ZNF276: variants seen among roughly 807,000 people sequenced by gnomAD.
ZNF276 encodes zinc finger protein 276.
Under a neutral mutation model 63.9 loss-of-function variants are expected in ZNF276, and 59 were observed. The observed-to-expected ratio is 0.92, with a 90% confidence interval of 0.75 to 1.15. ZNF276 has a LOEUF of 1.15. Among genes scored for constraint, ZNF276 ranks in the 50% most tolerant of loss-of-function variants. ZNF276 has a pLI of 0.00. For missense variants in ZNF276, 1,084 were observed against 843.8 expected, an observed-to-expected ratio of 1.28 and a Z score of -3.53; for synonymous variants, 496 against 348.4, an observed-to-expected ratio of 1.42 and a Z score of -4.72.
intron 6 of ZNF276, chr16:89,732,966 C>CCTCTGCTGTGCCCTCCT (rs2061719033): frequency 1.1e-5 from 3 of 283,894 alleles, no homozygotes; most frequent in African/African-American, 4.7e-5. Context: ...TGTGCCCTCC[C>CCTCTGCTGTGCCCTCCT]CCTCTGCTGT....
chr16:89,724,616 C>T (rs112101529), intron 4 of ZNF276, among the ~76,000 whole-genome samples: 25 of 152,290 alleles, frequency 1.6e-4, no homozygotes, highest in South Asian at 1.2e-3. Flanking sequence ...AACCGTACTC[C>T]AGCCTGGGTG....
rs1369519857 is a variant in ZNF276 at position 89,738,777 on chromosome 16, G to C, written c.*531G>C. The C allele has an allele frequency of 6.2e-7, 1 of 1,612,430 alleles. No individual in the cohort carries two copies. Among genetic ancestry groups the C allele is most frequent in the Non-Finnish European group, 8.5e-7 (1 of 1,179,372 alleles). ...CCTCAGACCACAGGGGAGGGGCTCT[G>C]GCAGAAATAGTCGAGTTGTATTGCC... On this transcript the variant is annotated 3_prime_UTR_variant, in exon 11 of 11. Transcript: ENST00000443381.
Position 89,723,548 on chromosome 16 carries a change from C to T in ZNF276, c.845C>T (p.Ala282Val). 1.2e-6 allele frequency: 2 copies of T among 1,612,810 alleles called. No individual in the cohort carries two copies. Among genetic ancestry groups the T allele is most frequent in the East Asian group, 2.2e-5 (1 of 44,880 alleles). ...PQHRGWNPGD[A>V]PQTSQGRGTG... ...CACCGAGGGTGGAACCCTGGGGATG[C>T]CCCTCAGACCTCCCAGGGTAGAGGG... is the stretch of plus-strand genomic sequence containing the variant. The change falls in exon 4 of 11, where the codon GCC becomes GTC. Residue 282 changes from alanine (A) to valine (V), a missense_variant. Ala to Val is a moderately conservative substitution (Grantham distance 64). Coordinates refer to ENST00000443381, the MANE Select transcript of ZNF276 (RefSeq NM_001113525.2).
chr16:89,740,872 A>C lies in ZNF276; in HGVS notation c.*2626A>C. 1 of 1,610,904 alleles carries C rather than the reference A, an allele frequency of 6.2e-7. No homozygotes were observed. Among genetic ancestry groups the C allele is most frequent in the African/African-American group, 1.3e-5 (1 of 74,916 alleles). On this transcript the variant is annotated 3_prime_UTR_variant, in exon 11 of 11. Coordinates refer to ENST00000443381, the MANE Select transcript of ZNF276 (RefSeq NM_001113525.2). ...AAGAAAAGGAAAACCAATAGCTGTA[A>C]ATAAAAACGTGCACTTATTATTACA... is the stretch of plus-strand genomic sequence containing the variant.
At chr16:89,735,528 G>C (rs1184440378) in intron 9 of ZNF276, among the ~76,000 whole-genome samples, 1 of 151,982 alleles carries the variant, frequency 6.6e-6, no homozygotes, top group Non-Finnish European at 1.5e-5. Context: ...TGGTCCTTCA[G>C]ACTCTGCATC....
Position 89,738,874 on chromosome 16 carries a change from G to A in ZNF276, c.*628G>A, listed in dbSNP as rs969373089. ...CCACATGGCCCAAGGTGGGCATCTT[G>A]ACGTTACCTCTGCCACGTGTGAGAA... On this transcript the variant is annotated 3_prime_UTR_variant, in exon 11 of 11. Coordinates refer to ENST00000443381, the MANE Select transcript of ZNF276 (RefSeq NM_001113525.2). The A allele has an allele frequency of 1.9e-6, 3 of 1,614,138 alleles. No homozygotes were observed. The highest frequency in any genetic ancestry group is 1.3e-5 in the African/African-American group (1 of 74,960).
At chr16:89,730,815 C>T (rs1304105253) in intron 6 of ZNF276, among the ~76,000 whole-genome samples, 1 of 152,208 alleles carries the variant, frequency 6.6e-6, no homozygotes, top group African/African-American at 2.4e-5. Flanking sequence ...GTGCTGCCTC[C>T]CAGTCTTGTC....
chr16:89,722,724 G>A lies in ZNF276; in HGVS notation c.399G>A (p.Pro133=). 2 of 1,612,210 alleles carry A rather than the reference G, an allele frequency of 1.2e-6. No individual in the cohort carries two copies. Among genetic ancestry groups the A allele is most frequent in the Non-Finnish European group, 1.7e-6 (2 of 1,180,030 alleles). Residue 133 remains proline (P), a synonymous_variant, in exon 2 of 11, where the codon CCG becomes CCA. Coordinates refer to ENST00000443381, the MANE Select transcript of ZNF276 (RefSeq NM_001113525.2). ...TCCGCCAGGACCCCACCTTGTCTCC[G>A]TTTGTCTGCAAGAGCTGCCACGCCC... The part of the protein sequence containing the change: ...VAVRQDPTLS[P]FVCKSCHAQF...
chr16:89,733,283 G>C lies in ZNF276; in HGVS notation c.1170-19G>C. ...ATGGAGATCAGAAACCATTGAATTT[G>C]GGAACCTCTTTTTTTCAGAGTCTCT... is the stretch of plus-strand genomic sequence containing the variant. On this transcript the variant is annotated intron_variant, in intron 6 of 10. Coordinates refer to ENST00000443381, the MANE Select transcript of ZNF276 (RefSeq NM_001113525.2). 6.2e-7 allele frequency: 1 copy of C among 1,603,220 alleles called. No individual in the cohort carries two copies. Among genetic ancestry groups the C allele is most frequent in the Non-Finnish European group, 8.5e-7 (1 of 1,173,102 alleles).
chr16:89,720,860 A>G, upstream of ZNF276: 2 of 1,393,896 alleles, frequency 1.4e-6, no homozygotes, highest in Non-Finnish European at 1.9e-6. Context: ...CGCAGCGGCC[A>G]TGGCGCCGAG....
chr16:89,729,378 G>A (rs2061572488), intron 6 of ZNF276, 60 bp downstream of exon 6: 1 of 1,456,564 alleles, frequency 6.9e-7, no homozygotes, highest in East Asian at 2.3e-5. Context: ...ACACCCGCCT[G>A]TGCTCCAGGG....
In ZNF276 at chr16:89,733,542, C is replaced by T. The variant is rs17177891; in HGVS notation, c.1341C>T (p.Gly447=). 124,704 of 1,614,010 alleles carry T rather than the reference C, an allele frequency of 0.077. 5,743 individuals are homozygous for T. The highest frequency in any genetic ancestry group is 0.16 in the East Asian group (7,305 of 44,866). ...AGGGCTGCACGGCCGTGTACCGAGGCGCTGACGGCATGAAGGTGAGCACTG... is the reference window on the plus strand; with the variant it reads ...AGGGCTGCACGGCCGTGTACCGAGGTGCTGACGGCATGAAGGTGAGCACTG... ...PYQGCTAVYR[G]ADGMKKHIKE... is the part of the protein sequence containing the mutation. Residue 447 remains glycine, a synonymous_variant, in exon 8 of 11, where the codon GGC becomes GGT. Coordinates refer to ENST00000443381, the MANE Select transcript of ZNF276 (RefSeq NM_001113525.2).
Position 89,729,309 on chromosome 16 carries a change from C to T in ZNF276, c.1160C>T (p.Pro387Leu), listed in dbSNP as rs367876536. 1 of 1,614,080 alleles carries T rather than the reference C, an allele frequency of 6.2e-7. No individual in the cohort carries two copies. Residue 387 changes from proline (P) to leucine (L), a missense_variant, in exon 6 of 11, where the codon CCA (proline) becomes CTA (leucine). Coordinates refer to ENST00000443381, the MANE Select transcript of ZNF276 (RefSeq NM_001113525.2). Reference sequence around the variant, plus strand: ...TCGGACGAGTCCTTTGAGCCTTACCCAGAAAGGAAGTAAGTGGGCAGCCCG... The same window carrying T: ...TCGGACGAGTCCTTTGAGCCTTACCTAGAAAGGAAGTAAGTGGGCAGCCCG... ...QSSDESFEPY[P>L]ERKVSGKKSE... is the part of the protein sequence containing the mutation.
chr16:89,736,870 A>G (rs2061930571), intron 9 of ZNF276, among the ~76,000 whole-genome samples: 1 of 149,298 alleles, frequency 6.7e-6, no homozygotes, highest in African/African-American at 2.5e-5. Context: ...GGGCTGTTGC[A>G]CTCCAGCCTG....
intron 6 of ZNF276, among the ~76,000 whole-genome samples, chr16:89,730,745 G>C (rs1038970692): frequency 1.3e-5 from 2 of 152,290 alleles, no homozygotes; most frequent in African/African-American, 2.4e-5. Flanking sequence ...TGGTTCCCCA[G>C]CTGCCACCGT....
chr16:89,721,431 G>T (rs996852844), upstream of ZNF276: 2 of 441,568 alleles, frequency 4.5e-6, no homozygotes, highest in East Asian at 3.9e-5. Flanking sequence ...AGCGGTACGA[G>T]CGGGGGCGCT....
intron 9 of ZNF276, among the ~76,000 whole-genome samples, chr16:89,734,382 GT>G (rs2061779237): frequency 6.6e-6 from 1 of 152,130 alleles, no homozygotes; most frequent in African/African-American, 2.4e-5. Context: ...CTGGAGTGCA[GT>G]GGCACCATCT....
intron 6 of ZNF276, chr16:89,732,632 C>T (rs895304327): frequency 4.6e-6 from 1 of 216,474 alleles, no homozygotes; most frequent in East Asian, 1.2e-4. Flanking sequence ...CCCTCGCCCT[C>T]CGCTGTGTTT....
At position 89,733,673 on chromosome 16, in the gene ZNF276, G is replaced by A. The variant is rs2061750250; in HGVS notation, c.1356+116G>A. On this transcript the variant is annotated intron_variant, in intron 8 of 10. Coordinates refer to ENST00000443381, the MANE Select transcript of ZNF276 (RefSeq NM_001113525.2). ...TGCGCCCAAGGACACTTTGACCTAG[G>A]TTAACCGAGACCTGAAGCAGTCCTA... 6 of 1,254,100 alleles carry A rather than the reference G, an allele frequency of 4.8e-6. No homozygotes were observed. The Admixed American group carries it at 1.1e-4, about 23-fold the overall frequency. The allele number at this position is 1,254,100 out of a possible 1,614,324, so 77.7% of individuals were successfully genotyped here.
Sources: gnomAD v4.1 joint callset for allele counts (sites outside exome capture counted in the v4.1 genomes callset) on GRCh38, gnomAD v4.1.1 for gene constraint, MANE v1.5 for transcripts, NCBI Gene and HGNC (gene_info 2026-07-23, HGNC 2026-07-21) for gene names.